Variants in QRICH1 observed in about 807,000 individuals in gnomAD.
QRICH1 encodes the protein transcriptional regulator QRICH1.
A neutral mutation model predicts 87.1 loss-of-function variants in QRICH1; 16 were observed. The ratio of observed to expected loss-of-function variants is 0.18; its 90% CI spans 0.12 to 0.28. The LOEUF (loss-of-function observed/expected upper bound fraction) is 0.28, where lower values mean the gene tolerates loss of function less well. Among genes scored for constraint, QRICH1 ranks in the 10% least tolerant of loss-of-function variants. QRICH1 has a pLI of 1.00. For synonymous variants in QRICH1, 367 were observed against 368.4 expected, an observed-to-expected ratio of 1.00 and a Z score of 0.05; for missense variants, 647 against 951.7, an observed-to-expected ratio of 0.68 and a Z score of 4.21.
intron 6 of QRICH1, among the ~76,000 whole-genome samples, chr3:49,040,489 T>C (rs1282307719): frequency 1.3e-5 from 2 of 152,216 alleles, no homozygotes; most frequent in African/African-American, 2.4e-5. Flanking sequence ...AGAGTTAACT[T>C]ACTTATTTAT....
chr3:49,041,138 T>C (rs1303499576), intron 6 of QRICH1, among the ~76,000 whole-genome samples: 2 of 152,060 alleles, frequency 1.3e-5, no homozygotes, highest in Non-Finnish European at 2.9e-5. Flanking sequence ...CAGCTAATTT[T>C]TGTATTTTTT....
chr3:49,048,917 T>C (rs1474151651), intron 3 of QRICH1, among the ~76,000 whole-genome samples: 6 of 150,194 alleles, frequency 4.0e-5, no homozygotes, highest in Non-Finnish European at 1.5e-5. Flanking sequence ...TTTTTTTCCC[T>C]CTGAGATGGA....
intron 1 of QRICH1, chr3:49,093,594 A>T (rs1259596697): frequency 6.5e-6 from 1 of 152,846 alleles, no homozygotes; most frequent in African/African-American, 2.4e-5. Context: ...GAGCAGAGAT[A>T]TCCGGGCCGG....
At chr3:49,056,749 C>A (rs147131112) in intron 3 of QRICH1, 113 bp downstream of exon 3, 81 of 1,505,500 alleles carry the variant, frequency 5.4e-5, no homozygotes, top group Non-Finnish European at 6.5e-5. Flanking sequence ...CTAAATACTG[C>A]ATCACTGTAA....
At chr3:49,068,987 T>C (rs1034829198) in intron 2 of QRICH1, among the ~76,000 whole-genome samples, 1 of 151,892 alleles carries the variant, frequency 6.6e-6, no homozygotes, top group Admixed American at 6.6e-5. Context: ...AGGTATCATA[T>C]AGCACAAACC....
intron 1 of QRICH1, among the ~76,000 whole-genome samples, chr3:49,082,624 G>A (rs569300150): frequency 3.3e-5 from 5 of 152,146 alleles, no homozygotes; most frequent in African/African-American, 7.2e-5. Context: ...AGCCGGGCAC[G>A]GTGGCTCACG....
chr3:49,036,964 T>G (rs1269638891), intron 6 of QRICH1, among the ~76,000 whole-genome samples: 1 of 150,418 alleles, frequency 6.6e-6, no homozygotes, highest in Non-Finnish European at 1.5e-5. Context: ...CATGGAGGGC[T>G]GAGGTGGGAG....
chr3:49,056,490 T>C (rs1158530477), intron 3 of QRICH1, among the ~76,000 whole-genome samples: 1 of 152,252 alleles, frequency 6.6e-6, no homozygotes. Context: ...AGTGTTTTGC[T>C]AAAACCATTT....
At chr3:49,030,675 C>T (rs368962331) in intron 9 of QRICH1, 31 bp from the exon 10 acceptor site, 4 of 1,501,568 alleles carry the variant, frequency 2.7e-6, no homozygotes, top group Admixed American at 2.1e-5. Context: ...AGTTGGGTAC[C>T]ACCAATATAA....
At chr3:49,067,685 A>G (rs1047726578) in intron 2 of QRICH1, among the ~76,000 whole-genome samples, 3 of 152,080 alleles carry the variant, frequency 2.0e-5, no homozygotes, top group African/African-American at 7.2e-5. Flanking sequence ...AATCATATTA[A>G]GAATCTGGCA....
At chr3:49,076,151 G>A (rs1395285169) in intron 2 of QRICH1, among the ~76,000 whole-genome samples, 2 of 152,222 alleles carry the variant, frequency 1.3e-5, no homozygotes, top group East Asian at 1.9e-4. Flanking sequence ...GCTGGGGCAG[G>A]AGAATCCATC....
chr3:49,071,237 T>C (rs1038975201), intron 2 of QRICH1, among the ~76,000 whole-genome samples: 1 of 152,086 alleles, frequency 6.6e-6, no homozygotes, highest in African/African-American at 2.4e-5. Context: ...GCTAATTTTT[T>C]GTATTTTTAG....
At chr3:49,053,910 G>A (rs1453593248) in intron 3 of QRICH1, among the ~76,000 whole-genome samples, 1 of 152,130 alleles carries the variant, frequency 6.6e-6, no homozygotes, top group African/African-American at 2.4e-5. Flanking sequence ...TGGTCCAAGG[G>A]TAGAAAAGAC....
chr3:49,060,610 G>C (rs1007837192), intron 2 of QRICH1, among the ~76,000 whole-genome samples: 5 of 152,132 alleles, frequency 3.3e-5, no homozygotes, highest in African/African-American at 1.2e-4. Context: ...GATTATAGGC[G>C]TGAGCCACCA....
chr3:49,093,507 G>A (rs923555607), intron 1 of QRICH1: 4 of 151,854 alleles, frequency 2.6e-5, no homozygotes, highest in African/African-American at 9.7e-5. Context: ...CGATATCAGA[G>A]CGCGCGCCCC....
rs1410064610 is a variant in QRICH1, at chr3:49,077,597, A to G, written c.-21-559T>C. Among the ~76,000 whole-genome samples, 10 of 152,342 alleles carry G rather than the reference A, an allele frequency of 6.6e-5. 1 individual carries two copies. The South Asian group carries it at 2.1e-3, about 32-fold the overall frequency. ...CATGTGGTGCTCACATTCTTTTGCA[A>G]CACAGCTTACTACTGGTTAAAAGCA... On this transcript the variant is annotated intron_variant, in intron 1 of 9. Coordinates refer to ENST00000395443, the MANE Select transcript of QRICH1 (RefSeq NM_198880.3).
intron 3 of QRICH1, among the ~76,000 whole-genome samples, chr3:49,054,873 C>A (rs1317805114): frequency 6.6e-6 from 1 of 152,136 alleles, no homozygotes; most frequent in African/African-American, 2.4e-5. Context: ...ATACTCCTAC[C>A]TGGGAAACAA....
At chr3:49,045,184 A>T (rs966314282) in intron 5 of QRICH1, among the ~76,000 whole-genome samples, 1 of 151,950 alleles carries the variant, frequency 6.6e-6, no homozygotes, top group South Asian at 2.1e-4. Flanking sequence ...TTCTAGCTAG[A>T]CTCCTTCAAA....
intron 3 of QRICH1, 192 bp downstream of exon 3, chr3:49,056,670 G>A: frequency 9.4e-6 from 10 of 1,068,248 alleles, no homozygotes; most frequent in Non-Finnish European, 1.1e-5. Flanking sequence ...TTACCTCCAG[G>A]TACCAGGATA....
Sources: allele counts gnomAD v4.1 joint callset (sites outside exome capture counted in the v4.1 genomes callset), GRCh38; gene constraint gnomAD v4.1.1; transcripts MANE v1.5; gene names NCBI Gene and HGNC (gene_info 2026-07-23, HGNC 2026-07-21).